SECISBP2: variants seen among roughly 807,000 people sequenced by gnomAD.
The protein encoded by SECISBP2 is SECIS binding protein 2.
SECISBP2 carries 96 observed loss-of-function variants against 98.2 expected under a neutral mutation model. The observed-to-expected ratio is 0.98, with a 90% CI of 0.83 to 1.16. SECISBP2 has a LOEUF of 1.16. Ranked by LOEUF, SECISBP2 falls within the 50% of genes most tolerant of loss-of-function variation. The pLI is 0.00. For missense variants in SECISBP2, 1,046 were observed against 1,022.9 expected (o/e 1.02, Z -0.31); for synonymous variants, 407 against 370.2 (o/e 1.10, Z -1.14).
At chr9:89,339,823 T>C (rs1412920398) in intron 8 of SECISBP2, 41 bp from the exon 9 acceptor site, 1 of 1,368,792 alleles carries the variant, frequency 7.3e-7, no homozygotes, top group South Asian at 1.2e-5. Flanking sequence ...TTGGCATGTT[T>C]GCATTAACAA....
chr9:89,340,008 C>G, intron 9 of SECISBP2, 55 bp downstream of exon 9: 4 of 1,297,134 alleles, frequency 3.1e-6, no homozygotes, highest in Non-Finnish European at 4.5e-6. Context: ...TCTGGCTCAA[C>G]TAAATGCTTG....
downstream of SECISBP2, among the ~76,000 whole-genome samples, chr9:89,362,889 A>G (rs1446934417): frequency 6.6e-6 from 1 of 152,138 alleles, no homozygotes; most frequent in African/African-American, 2.4e-5. Flanking sequence ...GGGGCTGGAC[A>G]ACTTTGTCTC....
At chr9:89,347,152 T>C (rs1390134942) in intron 11 of SECISBP2, 104 bp downstream of exon 11, 11 of 1,166,368 alleles carry the variant, frequency 9.4e-6, no homozygotes, top group Non-Finnish European at 1.4e-5. Context: ...CGACTTGTAT[T>C]ACTTGAATAT....
rs1052827028 is a variant in SECISBP2 at position 89,359,325 on chromosome 9, G to A, written c.*501G>A. On this transcript the variant is annotated 3_prime_UTR_variant, in exon 17 of 17. Transcript: ENST00000375807. ...CAGAGCAAGAGGGCTACAGGGAAAG[G>A]GCCCTTTCTCAGGGGATGTAGCTTT... 3.2e-5 allele frequency: 5 copies of A among 158,104 alleles called. No individual in the cohort carries two copies. Among genetic ancestry groups the A allele is most frequent in the Admixed American group, 2.4e-4 (4 of 16,374 alleles). 9.8% of individuals were successfully genotyped at this position (158,104 alleles called of 1,614,324 possible).
chr9:89,363,375 G>A, downstream of SECISBP2: 1 of 1,598,610 alleles, frequency 6.3e-7, no homozygotes. Context: ...GGATGTGGCA[G>A]GTGCCCTGCC....
chr9:89,349,142 G>A (rs886735323), intron 12 of SECISBP2, among the ~76,000 whole-genome samples: 2 of 152,182 alleles, frequency 1.3e-5, no homozygotes, highest in Admixed American at 1.3e-4. Flanking sequence ...GGGGCACTAT[G>A]TTTTTCAACC....
intron 11 of SECISBP2, 102 bp from the exon 12 acceptor site, chr9:89,347,977 G>A: frequency 8.8e-7 from 1 of 1,136,602 alleles, no homozygotes. Context: ...GCACTAAGAG[G>A]CACATTGCCA....
rs761549977 is a variant in SECISBP2, at chr9:89,350,766, G to A, written c.2027G>A (p.Gly676Glu). The A allele has an allele frequency of 2.5e-6, 4 of 1,614,076 alleles. No homozygotes were observed. Among genetic ancestry groups the A allele is most frequent in the Non-Finnish European group, 2.5e-6 (3 of 1,180,040 alleles). Residue 676 changes from glycine to glutamate, a missense_variant, in exon 14 of 17, where the codon GGG (glycine) becomes GAG (glutamate). Transcript: ENST00000375807. ...AAGACTAAACGTCGACTTGTGTTGGGGTTGAGGGAGGTTCTCAAACACCTG... is the reference window on the plus strand; with the variant it reads ...AAGACTAAACGTCGACTTGTGTTGGAGTTGAGGGAGGTTCTCAAACACCTG... Reference protein sequence around the residue: ...KAKTKRRLVLGLREVLKHLKL... With the variant: ...KAKTKRRLVLELREVLKHLKL...
intron 5 of SECISBP2, chr9:89,329,842 C>T (rs1827448724): frequency 6.6e-6 from 1 of 152,160 alleles, no homozygotes; most frequent in Non-Finnish European, 1.5e-5. Flanking sequence ...AGTCAAGCCG[C>T]TTTGACAGCC....
chr9:89,328,663 G>T lies in SECISBP2; in HGVS notation c.578G>T (p.Gly193Val), dbSNP rs201750317. 6.2e-7 allele frequency: 1 copy of T among 1,613,212 alleles called. No homozygotes were observed. Among genetic ancestry groups the T allele is most frequent in the East Asian group, 2.2e-5 (1 of 44,880 alleles). ...ACTTTTAATTTTGTAATTACAGATG[G>T]TTACCATAAGCGAACAGACAGGAAA... Reference protein sequence around the residue: ...IYAENSLKSDGYHKRTDRKSR... With the variant: ...IYAENSLKSDVYHKRTDRKSR... Residue 193 changes from glycine (G) to valine (V), a missense_variant, in exon 5 of 17, where the codon GGT becomes GTT. Physicochemically the swap from Gly to Val is moderately radical, Grantham distance 109. Coordinates refer to ENST00000375807, the MANE Select transcript of SECISBP2 (RefSeq NM_024077.5).
chr9:89,359,814 C>G (rs554505811), downstream of SECISBP2, among the ~76,000 whole-genome samples: 195 of 152,222 alleles, frequency 1.3e-3, 2 homozygotes, highest in African/African-American at 4.5e-3. Flanking sequence ...TAGTGATTGT[C>G]AAAGCCTCCA....
intron 4 of SECISBP2, among the ~76,000 whole-genome samples, 182 bp from the exon 5 acceptor site, chr9:89,328,478 T>G (rs1473056972): frequency 6.6e-6 from 1 of 152,238 alleles, no homozygotes; most frequent in South Asian, 2.1e-4. Flanking sequence ...TTGATACTTA[T>G]GGTCATTTAA....
chr9:89,341,493 T>G lies in SECISBP2; in HGVS notation c.1435+14T>G. ...TGGTAGTCTCAGGTAAGAGAGTCTT[T>G]CCATCTCAGGCAAGTGATTGGAAGT... On this transcript the variant is annotated intron_variant, in intron 10 of 16. Coordinates refer to ENST00000375807, the MANE Select transcript of SECISBP2 (RefSeq NM_024077.5). 1 of 1,613,868 alleles carries G rather than the reference T, an allele frequency of 6.2e-7. No homozygotes were observed. Among genetic ancestry groups the G allele is most frequent in the Non-Finnish European group, 8.5e-7 (1 of 1,179,954 alleles).
intron 5 of SECISBP2, among the ~76,000 whole-genome samples, chr9:89,331,652 G>A (rs1264851699): frequency 6.6e-6 from 1 of 152,110 alleles, no homozygotes; most frequent in Admixed American, 6.5e-5. Context: ...ATAACACAGG[G>A]CATACATTGC....
chr9:89,347,999 T>G, intron 11 of SECISBP2, 80 bp from the exon 12 acceptor site: 2 of 1,405,296 alleles, frequency 1.4e-6, no homozygotes, highest in East Asian at 2.5e-5. Context: ...AAAGTTGAAC[T>G]TGGGCAGTTT....
chr9:89,362,321 CCTT>C (rs1207497943), downstream of SECISBP2: 7 of 1,612,164 alleles, frequency 4.3e-6, no homozygotes, highest in African/African-American at 9.3e-5. Context: ...GGGGACCAGG[CCTT>C]CTCCGGGGGT....
intron 7 of SECISBP2, among the ~76,000 whole-genome samples, chr9:89,335,805 C>T (rs966115066): frequency 1.3e-5 from 2 of 152,120 alleles, no homozygotes; most frequent in Admixed American, 6.5e-5. Flanking sequence ...TTAGACATAT[C>T]GACTTAAAAT....
chr9:89,362,427 T>A (rs769867571), downstream of SECISBP2: 9 of 1,613,886 alleles, frequency 5.6e-6, no homozygotes, highest in Non-Finnish European at 7.6e-6. Context: ...GCTACAGCTT[T>A]CCTGAAAGAA....
intron 1 of SECISBP2, 133 bp downstream of exon 1, chr9:89,318,745 A>C: frequency 2.4e-6 from 3 of 1,227,456 alleles, no homozygotes; most frequent in Non-Finnish European, 3.2e-6. Flanking sequence ...GGAGCGCCCT[A>C]CCGGGTGGCC....
Sources: gnomAD v4.1 joint callset for allele counts (sites outside exome capture counted in the v4.1 genomes callset) on GRCh38, gnomAD v4.1.1 for gene constraint, MANE v1.5 for transcripts, NCBI Gene and HGNC (gene_info 2026-07-23, HGNC 2026-07-21) for gene names.